CMSS1: variants seen among roughly 807,000 people sequenced by gnomAD.
CMSS1 encodes protein CMSS1.
Under a neutral mutation model 43.5 loss-of-function variants are expected in CMSS1, and 33 were observed. The ratio of observed to expected loss-of-function variants is 0.76; its 90% confidence interval spans 0.57 to 1.01. CMSS1 has a LOEUF of 1.01. Ranked by LOEUF, CMSS1 falls within the 50% of genes least tolerant of loss-of-function variation. The pLI is 0.00. For synonymous variants in CMSS1, 115 were observed against 117.2 expected, an observed-to-expected ratio of 0.98 and a Z score of 0.12; for missense variants, 313 against 326.4, an observed-to-expected ratio of 0.96 and a Z score of 0.32.
intron 1 of CMSS1, among the ~76,000 whole-genome samples, chr3:99,825,277 CAT>C (rs1347278610): frequency 6.6e-6 from 1 of 152,158 alleles, no homozygotes; most frequent in Non-Finnish European, 1.5e-5. Context: ...AGGGAAAAAA[CAT>C]AATCAGCTTA....
At chr3:99,848,199 A>G in intron 1 of CMSS1, 1 of 1,564,002 alleles carries the variant, frequency 6.4e-7, no homozygotes, top group Non-Finnish European at 8.7e-7. Flanking sequence ...GTCTTGGGGG[A>G]TATGGAGGGA....
intron 5 of CMSS1, among the ~76,000 whole-genome samples, chr3:100,167,139 T>A (rs1266749622): frequency 6.6e-6 from 1 of 152,190 alleles, no homozygotes; most frequent in Non-Finnish European, 1.5e-5. Flanking sequence ...AGTTTAGATA[T>A]AGGGAGTTTC....
chr3:99,832,253 C>T (rs573653507), intron 1 of CMSS1, among the ~76,000 whole-genome samples: 70 of 142,866 alleles, frequency 4.9e-4, no homozygotes, highest in African/African-American at 1.6e-3. Context: ...TTTTTTGAGA[C>T]GGAGTCTCGC....
rs150269115 is a variant in CMSS1 at position 99,954,655 on chromosome 3, G to A, written c.64+136612G>A. Among the ~76,000 whole-genome samples the A allele has an allele frequency of 6.8e-3, 1,028 of 152,044 alleles. 3 individuals are homozygous for A. Among genetic ancestry groups the A allele is most frequent in the African/African-American group, 8.5e-3 (354 of 41,488 alleles). On this transcript the variant is annotated intron_variant, in intron 1 of 9. Transcript: ENST00000421999. ...AGCCTGACCAACATGGTGAAACCCC[G>A]TCTCTACTAAAAATACAAAAATTAG... is the stretch of plus-strand genomic sequence containing the variant.
At chr3:99,881,084 A>C (rs1230647875) in intron 1 of CMSS1, among the ~76,000 whole-genome samples, 1 of 152,124 alleles carries the variant, frequency 6.6e-6, no homozygotes, top group Non-Finnish European at 1.5e-5. Context: ...CAAAGCAAGG[A>C]AGTCTATTTA....
chr3:99,869,902 G>A (rs189455255), intron 1 of CMSS1, among the ~76,000 whole-genome samples: 1 of 152,330 alleles, frequency 6.6e-6, no homozygotes, highest in Non-Finnish European at 1.5e-5. Flanking sequence ...TTAGAGGACT[G>A]ACCTCAGCCT....
Position 99,936,521 on chromosome 3 carries a change from G to A in CMSS1, c.64+118478G>A, listed in dbSNP as rs374434091. Among the ~76,000 whole-genome samples the A allele has an allele frequency of 7.1e-4, 101 of 142,544 alleles. 1 individual carries two copies. The highest frequency in any genetic ancestry group is 9.2e-4 in the South Asian group (4 of 4,332). 93.5% of individuals were successfully genotyped at this position (142,544 alleles called of 152,430 possible). ...CTCCCAAGTAGCTGGGACTACAGGC[G>A]CGCACCACCACACCCAGCTAATTTT... On this transcript the variant is annotated intron_variant, in intron 1 of 9. Transcript: ENST00000421999.
chr3:99,853,033 G>C (rs1213165526), intron 1 of CMSS1, among the ~76,000 whole-genome samples: 3 of 152,142 alleles, frequency 2.0e-5, no homozygotes, highest in Admixed American at 6.5e-5. Context: ...CTCATCCAAG[G>C]TCTTGGCAAA....
At chr3:99,973,509 A>G (rs1025083574) in intron 1 of CMSS1, among the ~76,000 whole-genome samples, 6 of 152,188 alleles carry the variant, frequency 3.9e-5, no homozygotes, top group African/African-American at 1.4e-4. Context: ...CCTTATTTTG[A>G]AAGTTTAAGC....
At chr3:100,174,140 G>C (rs181775459) in intron 8 of CMSS1, among the ~76,000 whole-genome samples, 26 of 152,252 alleles carry the variant, frequency 1.7e-4, no homozygotes, top group Non-Finnish European at 3.7e-4. Context: ...TGAGGAGTTT[G>C]GATTTTTGTC....
chr3:99,987,712 C>T (rs1709386813), intron 1 of CMSS1, among the ~76,000 whole-genome samples: 1 of 152,058 alleles, frequency 6.6e-6, no homozygotes, highest in East Asian at 1.9e-4. Flanking sequence ...GTCCCAAGAC[C>T]TCAGTTATTT....
intron 6 of CMSS1, among the ~76,000 whole-genome samples, 165 bp downstream of exon 6, chr3:100,168,005 A>T (rs1015427746): frequency 2.0e-5 from 3 of 152,228 alleles, no homozygotes; most frequent in African/African-American, 7.2e-5. Flanking sequence ...ACAAATGAAG[A>T]TACATTATAA....
At chr3:100,063,035 A>C (rs2065601361) in intron 1 of CMSS1, among the ~76,000 whole-genome samples, 1 of 152,256 alleles carries the variant, frequency 6.6e-6, no homozygotes, top group South Asian at 2.1e-4. Context: ...GGCATCCTCA[A>C]GATGGCATTT....
intron 1 of CMSS1, among the ~76,000 whole-genome samples, chr3:100,048,975 A>G (rs537833554): frequency 2.0e-4 from 31 of 152,316 alleles, no homozygotes; most frequent in African/African-American, 6.3e-4. Flanking sequence ...ACAATTGTCT[A>G]TTTTCAAACC....
At chr3:99,881,822 C>T (rs938499389) in intron 1 of CMSS1, among the ~76,000 whole-genome samples, 2 of 152,184 alleles carry the variant, frequency 1.3e-5, no homozygotes, top group Admixed American at 6.5e-5. Context: ...CGTGAGCCAC[C>T]GTGACTGACC....
At chr3:99,928,895 C>G (rs1269011361) in intron 1 of CMSS1, among the ~76,000 whole-genome samples, 1 of 152,150 alleles carries the variant, frequency 6.6e-6, no homozygotes, top group Non-Finnish European at 1.5e-5. Flanking sequence ...CTCATCCTCA[C>G]CCCGTAGAGA....
intron 1 of CMSS1, among the ~76,000 whole-genome samples, chr3:99,997,596 G>A (rs780482030): frequency 1.3e-5 from 2 of 152,118 alleles, no homozygotes; most frequent in South Asian, 4.1e-4. Context: ...GTAGGGGCAG[G>A]GTGGGAAGGA....
chr3:99,984,680 T>C (rs2107739625), intron 1 of CMSS1, among the ~76,000 whole-genome samples: 1 of 152,338 alleles, frequency 6.6e-6, no homozygotes, highest in Non-Finnish European at 1.5e-5. Flanking sequence ...CCAATTACTT[T>C]GGCTACTGTG....
At chr3:100,163,494 C>G (rs563006959) in intron 4 of CMSS1, among the ~76,000 whole-genome samples, 1 of 152,152 alleles carries the variant, frequency 6.6e-6, no homozygotes, top group South Asian at 2.1e-4. Flanking sequence ...TATAATTAAG[C>G]TAAAAGATAT....
Sources: allele counts gnomAD v4.1 joint callset (sites outside exome capture counted in the v4.1 genomes callset), GRCh38; gene constraint gnomAD v4.1.1; transcripts MANE v1.5; gene names NCBI Gene and HGNC (gene_info 2026-07-23, HGNC 2026-07-21).